FAM20C: variants seen among roughly 807,000 people sequenced by gnomAD.
FAM20C encodes extracellular serine/threonine protein kinase FAM20C.
In FAM20C, 40 loss-of-function variants were observed where a neutral mutation model predicts 51.5. That is an observed-to-expected ratio of 0.78 (90% CI 0.60 to 1.01). The LOEUF (loss-of-function observed/expected upper bound fraction) is 1.01. Among genes scored for constraint, FAM20C ranks in the 50% least tolerant of loss-of-function variants. The pLI, the probability that FAM20C is intolerant of heterozygous loss-of-function variation, is 0.00. For missense variants in FAM20C, 861 were observed against 844.7 expected (o/e 1.02, Z -0.24); for synonymous variants, 406 against 380.6 (o/e 1.07, Z -0.78).
Position 216,642 on chromosome 7 carries a change from AGTG to A in FAM20C, c.863+7667_863+7669del, listed in dbSNP as rs1562376213. Among the ~76,000 whole-genome samples the A allele has an allele frequency of 2.2e-3, 300 of 133,498 alleles. 2 individuals carry two copies. The highest frequency in any genetic ancestry group is 1.0e-2 in the African/African-American group (291 of 29,238). The allele number at this position is 133,498 out of a possible 152,430, so 87.6% of individuals were successfully genotyped here. A position where few individuals can be genotyped will look rare whatever the true frequency, so the allele number is the denominator to read the frequency against. The stretch of plus-strand genomic sequence containing the variant: ...GTATGAGTGTGTGTGAGTGTGTGTG[AGTG>A]TGTGTGAGTGTGTGTGTGAGAGACA... On this transcript the variant is annotated intron_variant, in intron 3 of 9. Transcript: ENST00000313766.
intron 3 of FAM20C, among the ~76,000 whole-genome samples, chr7:232,489 C>T (rs916406141): frequency 7.9e-5 from 12 of 152,200 alleles, no homozygotes; most frequent in Non-Finnish European, 1.2e-4. Context: ...GAAGGTTTTG[C>T]GAATCAATTC....
intron 9 of FAM20C, among the ~76,000 whole-genome samples, chr7:259,497 T>C (rs1358069437): frequency 6.6e-6 from 1 of 152,256 alleles, no homozygotes; most frequent in Non-Finnish European, 1.5e-5. Context: ...TCTTTATCTG[T>C]GTCTCTTTCT....
At chr7:254,900 G>C (rs181616617) in intron 5 of FAM20C, among the ~76,000 whole-genome samples, 42 of 151,980 alleles carry the variant, frequency 2.8e-4, no homozygotes, top group African/African-American at 9.9e-4. Context: ...AGGGTTCTCG[G>C]GTTCAGTGAG....
chr7:213,283 GCT>G (rs1442838443), intron 3 of FAM20C, among the ~76,000 whole-genome samples: 2 of 149,868 alleles, frequency 1.3e-5, no homozygotes, highest in Non-Finnish European at 3.0e-5. Flanking sequence ...GACATGGAGG[GCT>G]CTGGAATCCT....
chr7:241,751 G>A (rs1787953181), intron 3 of FAM20C, among the ~76,000 whole-genome samples: 1 of 151,996 alleles, frequency 6.6e-6, no homozygotes, highest in African/African-American at 2.4e-5. Context: ...GTGTTTCTGA[G>A]TGTGCAGGTG....
Position 231,114 on chromosome 7 carries a change from A to G in FAM20C, c.864-15301A>G, listed in dbSNP as rs938759570. 2.0e-5 allele frequency among the ~76,000 whole-genome samples: 3 copies of G among 152,256 alleles called. No homozygotes were observed. The East Asian group carries it at 5.8e-4, about 29-fold the overall frequency. On this transcript the variant is annotated intron_variant, in intron 3 of 9. Transcript: ENST00000313766. ...GGGCAGCGAGTACAGAGGCAGGAGC[A>G]GCAGCCCCAGCAGGACCCTCCCATC...
At position 257,101 on chromosome 7, in the gene FAM20C, G is replaced by C. The variant is rs564671252; in HGVS notation, c.1445+15G>C. The C allele has an allele frequency of 4.7e-5, 72 of 1,536,144 alleles. No individual in the cohort carries two copies. In the South Asian group the frequency reaches 7.9e-4, roughly 17 times the overall value. ...AATGGAAGAGGGTGAGCCTGTCCTC[G>C]CCCCTGCACACCCAGGGAAGGGCCG... On this transcript the variant is annotated intron_variant, in intron 8 of 9. Transcript: ENST00000313766.
At chr7:208,048 G>C (rs1222323496) in intron 2 of FAM20C, among the ~76,000 whole-genome samples, 1 of 152,220 alleles carries the variant, frequency 6.6e-6, no homozygotes, top group Non-Finnish European at 1.5e-5. Flanking sequence ...TCAGCCCCAG[G>C]TCTCCCCAAA....
chr7:231,496 G>A lies in FAM20C; in HGVS notation c.864-14919G>A, dbSNP rs146107688. Reference sequence around the variant, plus strand: ...GACTCTGTGGGAGGAGGGTCCCGGCGTCGAGGGCCCCGTGGGAGGAGGGTC... The same window carrying A: ...GACTCTGTGGGAGGAGGGTCCCGGCATCGAGGGCCCCGTGGGAGGAGGGTC... On this transcript the variant is annotated intron_variant, in intron 3 of 9. Coordinates refer to ENST00000313766, the MANE Select transcript of FAM20C (RefSeq NM_020223.4). Among the ~76,000 whole-genome samples, 395 of 151,046 alleles carry A rather than the reference G, an allele frequency of 2.6e-3. 1 individual carries two copies. The highest frequency in any genetic ancestry group is 8.8e-3 in the African/African-American group (363 of 41,090).
At position 257,998 on chromosome 7, in the gene FAM20C, T is replaced by C. The variant is rs372691304; in HGVS notation, c.1446-648T>C. ...AGATAGGCAGTGTGGACCCACTGCCTGGGGTGCTGGAGATGGGGCTGGGTG... is the reference window on the plus strand; with the variant it reads ...AGATAGGCAGTGTGGACCCACTGCCCGGGGTGCTGGAGATGGGGCTGGGTG... On this transcript the variant is annotated intron_variant, in intron 8 of 9. Coordinates refer to ENST00000313766, the MANE Select transcript of FAM20C (RefSeq NM_020223.4). Among the ~76,000 whole-genome samples, 175 of 62,190 alleles carry C rather than the reference T, an allele frequency of 2.8e-3. 34 individuals are homozygous for C. Among genetic ancestry groups the C allele is most frequent in the Middle Eastern group, 0.016 (1 of 64 alleles). The allele number at this position is 62,190 out of a possible 152,430, so 40.8% of individuals were successfully genotyped here.
In FAM20C at chr7:250,672, C is replaced by T. The variant is rs576807681; in HGVS notation, c.1072+2242C>T. Among the ~76,000 whole-genome samples, 16 of 152,318 alleles carry T rather than the reference C, an allele frequency of 1.1e-4. No individual in the cohort carries two copies. In the South Asian group the frequency reaches 2.5e-3, roughly 24 times the overall value. On this transcript the variant is annotated intron_variant, in intron 5 of 9. Coordinates refer to ENST00000313766, the MANE Select transcript of FAM20C (RefSeq NM_020223.4). ...TGTCAGCCCTTGGGTCGACCCTGACCGCACTGTCCAGCCACCGCCTCCTGC... is the reference window on the plus strand; with the variant it reads ...TGTCAGCCCTTGGGTCGACCCTGACTGCACTGTCCAGCCACCGCCTCCTGC...
chr7:230,015 C>T (rs181356847), intron 3 of FAM20C, among the ~76,000 whole-genome samples: 3 of 152,230 alleles, frequency 2.0e-5, no homozygotes, highest in East Asian at 3.9e-4. Context: ...GACCAGCTTC[C>T]GCTTCCGCGA....
rs766141930 is a variant in FAM20C, at chr7:257,090, AGCCTGTCCTCGCCCCT to A, written c.1445+7_1445+22del. On this transcript the variant is annotated splice_donor_5th_base_variant and intron_variant, in intron 8 of 9. Transcript: ENST00000313766. ...TCCACTTAGACAATGGAAGAGGGTG[AGCCTGTCCTCGCCCCT>A]GCACACCCAGGGAAGGGCCGGCCAC... The A allele has an allele frequency of 1.3e-6, 2 of 1,536,898 alleles. No homozygotes were observed. The highest frequency in any genetic ancestry group is 2.4e-5 in the South Asian group (2 of 84,058).
chr7:246,356 C>T, intron 3 of FAM20C, 59 bp from the exon 4 acceptor site: 1 of 1,425,312 alleles, frequency 7.0e-7, no homozygotes, highest in Non-Finnish European at 9.6e-7. Context: ...CCGCCTGCCT[C>T]CGGCCCCTGG....
intron 8 of FAM20C, among the ~76,000 whole-genome samples, chr7:257,836 A>ACCCACTGCCCGGGGTGCTGGAGATGGGCT (rs1788659173): frequency 1.0e-4 from 5 of 48,624 alleles, no homozygotes; most frequent in African/African-American, 3.7e-4. Context: ...GGAGATGGGC[A>ACCCACTGCCCGGGGTGCTGGAGATGGGCT]GGGTGGACCC....
intron 2 of FAM20C, among the ~76,000 whole-genome samples, chr7:204,267 G>A (rs1786251529): frequency 6.6e-6 from 1 of 152,268 alleles, no homozygotes; most frequent in South Asian, 2.1e-4. Flanking sequence ...CGTTTACGGA[G>A]CCTCGAGCTG....
rs1013724520 is a variant in FAM20C at position 196,510 on chromosome 7, G to A, written c.784+778G>A. Among the ~76,000 whole-genome samples the A allele has an allele frequency of 4.6e-5, 7 of 152,176 alleles. No homozygotes were observed. The East Asian group carries it at 5.8e-4, about 13-fold the overall frequency. On this transcript the variant is annotated intron_variant, in intron 2 of 9. Transcript: ENST00000313766. ...CCTTTAGTGGGAGCAGCTGCTCCCC[G>A]GGGATTGCAGGGAGTGGGCCTGGGT...
rs779472552 is a variant in FAM20C at position 193,265 on chromosome 7, G to A, written c.66G>A (p.Ala22=). 3.4e-6 allele frequency: 5 copies of A among 1,464,928 alleles called. No homozygotes were observed. The East Asian group carries it at 8.8e-5, about 26-fold the overall frequency. The allele number at this position is 1,464,928 out of a possible 1,614,324, so 90.7% of individuals were successfully genotyped here. Residue 22 remains alanine (A), a synonymous_variant, in exon 1 of 10, where the codon GCG becomes GCA. Coordinates refer to ENST00000313766, the MANE Select transcript of FAM20C (RefSeq NM_020223.4). ...LILMVFLVAC[A]LHIALDLLPR... is the part of the protein sequence containing the mutation. ...TGATGGTGTTCCTGGTGGCCTGCGC[G>A]CTGCACATCGCCCTGGACCTGCTGC...
chr7:193,216 T>C lies in FAM20C; in HGVS notation c.17T>C (p.Val6Ala), dbSNP rs1346013518. Residue 6 changes from valine to alanine, a missense_variant, in exon 1 of 10, where the codon GTG becomes GCG. Val to Ala is a moderately conservative substitution (Grantham distance 64). Coordinates refer to ENST00000313766, the MANE Select transcript of FAM20C (RefSeq NM_020223.4). MKMML[V>A]RRFRVLILMV... is the part of the protein sequence containing the mutation. Reference sequence around the variant, plus strand: ...CGCGCGGCCATGAAGATGATGCTGGTGCGCCGGTTCCGCGTGCTCATCCTG... The same window carrying C: ...CGCGCGGCCATGAAGATGATGCTGGCGCGCCGGTTCCGCGTGCTCATCCTG... The C allele has an allele frequency of 1.4e-6, 2 of 1,459,424 alleles. No homozygotes were observed. Among genetic ancestry groups the C allele is most frequent in the Non-Finnish European group, 9.1e-7 (1 of 1,100,432 alleles). The allele number at this position is 1,459,424 out of a possible 1,614,324, so 90.4% of individuals were successfully genotyped here. A position where few individuals can be genotyped will look rare whatever the true frequency, so the allele number is the denominator to read the frequency against.
Sources: gnomAD v4.1 joint callset for allele counts (sites outside exome capture counted in the v4.1 genomes callset) on GRCh38, gnomAD v4.1.1 for gene constraint, MANE v1.5 for transcripts, NCBI Gene and HGNC (gene_info 2026-07-23, HGNC 2026-07-21) for gene names.